The following CATSPERT variants were observed in gnomAD, a reference collection of about 807,000 sequenced individuals.
CATSPERT encodes the protein catsper channel auxiliary subunit tau, also known as cation channel sperm-associated targeting subunit tau.
the CATSPERT span, among the ~76,000 whole-genome samples, chr2:201,570,463 G>A: frequency 6.6e-6 from 1 of 152,108 alleles, no homozygotes; most frequent in African/African-American, 2.4e-5. Context: ...TTATAAATAG[G>A]TAACAACTAA....
the CATSPERT span, among the ~76,000 whole-genome samples, chr2:201,585,838 G>A: frequency 0.074 from 11,264 of 152,200 alleles, 632 homozygotes; most frequent in African/African-American, 0.15. Context: ...GAATGAAATT[G>A]TAAAATACAG....
chr2:201,488,010 A>T, the CATSPERT span: 364,820 of 869,512 alleles, frequency 0.42, 80,089 homozygotes, highest in African/African-American at 0.68. Context: ...AAGAAAAACA[A>T]ACAAGGACTA....
At chr2:201,594,021 A>C in the CATSPERT span, among the ~76,000 whole-genome samples, 5 of 152,156 alleles carry the variant, frequency 3.3e-5, no homozygotes, top group African/African-American at 7.2e-5. Flanking sequence ...TCCTGTCATT[A>C]TGATGTTAGC....
chr2:201,539,296 A>T, the CATSPERT span, among the ~76,000 whole-genome samples: 1 of 152,064 alleles, frequency 6.6e-6, no homozygotes, highest in Non-Finnish European at 1.5e-5. Context: ...GTGTATAAGC[A>T]TTCCTTTTTC....
At chr2:201,566,194 T>A in the CATSPERT span, among the ~76,000 whole-genome samples, 2 of 151,522 alleles carry the variant, frequency 1.3e-5, no homozygotes, top group Non-Finnish European at 2.9e-5. Flanking sequence ...CTCTAACTCT[T>A]TTTTTAAATT....
the CATSPERT span, among the ~76,000 whole-genome samples, chr2:201,611,076 C>G: frequency 6.6e-6 from 1 of 152,036 alleles, no homozygotes; most frequent in Non-Finnish European, 1.5e-5. Flanking sequence ...ACAAGAATGC[C>G]CACTTTCACC....
the CATSPERT span, among the ~76,000 whole-genome samples, chr2:201,609,676 G>C: frequency 3.3e-5 from 5 of 152,244 alleles, no homozygotes; most frequent in East Asian, 7.7e-4. Flanking sequence ...AAAACTATGG[G>C]ATACAGCAAA....
chr2:201,598,540 G>A, the CATSPERT span, among the ~76,000 whole-genome samples: 1 of 152,046 alleles, frequency 6.6e-6, no homozygotes, highest in Non-Finnish European at 1.5e-5. Context: ...AGGCTTAGCA[G>A]AGAGCACATC....
the CATSPERT span, among the ~76,000 whole-genome samples, chr2:201,589,883 C>T: frequency 6.6e-6 from 1 of 152,002 alleles, no homozygotes; most frequent in Non-Finnish European, 1.5e-5. Flanking sequence ...TATCCAGCAT[C>T]TATATGGAAC....
the CATSPERT span, among the ~76,000 whole-genome samples, chr2:201,543,843 ATACTT>A: frequency 6.6e-6 from 1 of 152,116 alleles, no homozygotes; most frequent in Non-Finnish European, 1.5e-5. Flanking sequence ...GTGTAGTACT[ATACTT>A]TAACTTGCTT....
chr2:201,592,298 T>C, the CATSPERT span, among the ~76,000 whole-genome samples: 3 of 146,446 alleles, frequency 2.0e-5, no homozygotes, highest in African/African-American at 7.5e-5. Context: ...GATTTGCATA[T>C]ATTGAACCAG....
chr2:201,544,304 T>G, the CATSPERT span, among the ~76,000 whole-genome samples: 26 of 152,176 alleles, frequency 1.7e-4, no homozygotes, highest in Admixed American at 1.7e-3. Context: ...TTGTGAATAG[T>G]GCCGCAATAA....
the CATSPERT span, chr2:201,492,154 A>G: frequency 4.6e-6 from 7 of 1,525,852 alleles, no homozygotes; most frequent in South Asian, 1.2e-5. Context: ...AACCGTTTGT[A>G]AAGTGGTTTG....
At chr2:201,489,018 G>A in the CATSPERT span, among the ~76,000 whole-genome samples, 24 of 152,114 alleles carry the variant, frequency 1.6e-4, no homozygotes, top group African/African-American at 5.8e-4. Flanking sequence ...GGAGACCCAG[G>A]CCACTGGTCA....
the CATSPERT span, among the ~76,000 whole-genome samples, chr2:201,509,927 T>A: frequency 6.6e-6 from 1 of 150,838 alleles, no homozygotes; most frequent in Non-Finnish European, 1.5e-5. Context: ...TAATATATAA[T>A]ATATACATTT....
the CATSPERT span, chr2:201,493,679 G>A: frequency 2.0e-6 from 3 of 1,537,186 alleles, no homozygotes; most frequent in Non-Finnish European, 1.7e-6. Context: ...AAGTTCATTG[G>A]TGTTTCACTT....
chr2:201,600,113 G>A, the CATSPERT span, among the ~76,000 whole-genome samples: 4 of 122,724 alleles, frequency 3.3e-5, no homozygotes, highest in South Asian at 1.1e-3. Context: ...TATAAATCAT[G>A]CTACTATAAA....
At chr2:201,503,237 C>T in the CATSPERT span, among the ~76,000 whole-genome samples, 1 of 151,930 alleles carries the variant, frequency 6.6e-6, no homozygotes, top group Non-Finnish European at 1.5e-5. Context: ...TTTATATGCC[C>T]AGTATTTTTT....
the CATSPERT span, among the ~76,000 whole-genome samples, chr2:201,489,690 TTTAC>T: frequency 1.3e-5 from 2 of 152,090 alleles, no homozygotes; most frequent in Admixed American, 6.5e-5. Context: ...TAATATGAGT[TTTAC>T]TTACTCATAT....
Sources: allele counts gnomAD v4.1 joint callset (sites outside exome capture counted in the v4.1 genomes callset), GRCh38; gene constraint gnomAD v4.1.1; transcripts MANE v1.5; gene names NCBI Gene and HGNC (gene_info 2026-07-23, HGNC 2026-07-21).